ABI3BP: variants seen among roughly 807,000 people sequenced by gnomAD.
ABI3BP encodes ABI family member 3 binding protein, also known as target of Nesh-SH3.
Under a neutral mutation model 268.6 loss-of-function variants are expected in ABI3BP, and 216 were observed. The ratio of observed to expected loss-of-function variants is 0.80; its 90% CI spans 0.72 to 0.90. ABI3BP has a LOEUF of 0.90. Among genes scored for constraint, ABI3BP ranks in the 40% least tolerant of loss-of-function variants. The probability of loss-of-function intolerance (pLI) is 0.00; values close to 1 mark genes in which losing one functional copy is unlikely to be tolerated. For synonymous variants in ABI3BP, 730 were observed against 730.0 expected (o/e 1.00, Z 0.00); for missense variants, 2,090 against 2,182.4 (o/e 0.96, Z 0.84).
intron 1 of ABI3BP, among the ~76,000 whole-genome samples, chr3:100,991,946 A>G (rs771516753): frequency 6.6e-6 from 1 of 152,172 alleles, no homozygotes; most frequent in East Asian, 1.9e-4. Flanking sequence ...AGTCTTCTGT[A>G]GGTATTAAGA....
chr3:100,839,434 G>T, intron 24 of ABI3BP, 135 bp downstream of exon 24: 2 of 963,384 alleles, frequency 2.1e-6, no homozygotes, highest in Non-Finnish European at 3.2e-6. Flanking sequence ...TTCAGACCCA[G>T]ACAGGAAAGG....
chr3:100,849,253 G>A (rs1180497827), intron 17 of ABI3BP, among the ~76,000 whole-genome samples: 1 of 133,904 alleles, frequency 7.5e-6, no homozygotes, highest in African/African-American at 2.9e-5. Context: ...TGGAGACAGA[G>A]TCTCACTCTG....
At chr3:100,866,858 A>G (rs907448893) in intron 10 of ABI3BP, 21 bp downstream of exon 10, 5 of 1,608,276 alleles carry the variant, frequency 3.1e-6, no homozygotes, top group Admixed American at 1.7e-5. Flanking sequence ...CTCAAGGTCA[A>G]CAACATAGCG....
chr3:100,828,324 A>C (rs1015114756), intron 34 of ABI3BP, 69 bp downstream of exon 34: 4 of 1,389,138 alleles, frequency 2.9e-6, no homozygotes, highest in East Asian at 2.5e-5. Flanking sequence ...ATTGAATGGC[A>C]ATATACAGTG....
chr3:100,938,937 G>A lies in ABI3BP; in HGVS notation c.80-12456C>T, dbSNP rs563100732. Among the ~76,000 whole-genome samples, 3 of 152,224 alleles carry A rather than the reference G, an allele frequency of 2.0e-5. No homozygotes were observed. The South Asian group carries it at 6.2e-4, about 32-fold the overall frequency. On this transcript the variant is annotated intron_variant, in intron 1 of 67. Transcript: ENST00000471714. Reference sequence around the variant, plus strand: ...GTGGTGGACGTTGTTGGGGGGGCATGTGTGTGTGCATGCACATGTGCCTGT... The same window carrying A: ...GTGGTGGACGTTGTTGGGGGGGCATATGTGTGTGCATGCACATGTGCCTGT...
chr3:100,913,433 A>G (rs1050668444), intron 2 of ABI3BP, among the ~76,000 whole-genome samples: 15 of 152,208 alleles, frequency 9.9e-5, no homozygotes, highest in African/African-American at 3.1e-4. Context: ...GAAAGTCTGG[A>G]CCAACTCAAG....
Position 100,811,283 on chromosome 3 carries a change from C to G in ABI3BP, c.3494-6G>C, listed in dbSNP as rs757370475. On this transcript the variant is annotated splice_region_variant and splice_polypyrimidine_tract_variant and intron_variant, in intron 47 of 67. Coordinates refer to ENST00000471714, the MANE Select transcript of ABI3BP (RefSeq NM_001375547.2). ...ATATGTAATAGATTCCACAACTGTACCAAAACAAAGGAGAAAAATTTTAGA... is the reference window on the plus strand; with the variant it reads ...ATATGTAATAGATTCCACAACTGTAGCAAAACAAAGGAGAAAAATTTTAGA... 37 of 1,530,076 alleles carry G rather than the reference C, an allele frequency of 2.4e-5. No homozygotes were observed. Among genetic ancestry groups the G allele is most frequent in the Non-Finnish European group, 2.8e-5 (32 of 1,144,148 alleles). 94.8% of individuals were successfully genotyped at this position (1,530,076 alleles called of 1,614,324 possible).
Position 100,775,215 on chromosome 3 carries a change from T to C in ABI3BP, c.4454A>G (p.Glu1485Gly). The C allele has an allele frequency of 6.2e-7, 1 of 1,612,856 alleles. No homozygotes were observed. Among genetic ancestry groups the C allele is most frequent in the Non-Finnish European group, 8.5e-7 (1 of 1,179,452 alleles). Reference protein sequence around the residue: ...IKQPTVPASGEELENITDFSS... With the variant: ...IKQPTVPASGGELENITDFSS... ...CTGATGGCCATACGAACCCAGTTCT[T>C]CTCCAGAGGCAGGAACTGTTGGTTG... Residue 1485 changes from glutamate (E) to glycine (G), a missense_variant, in exon 60 of 68, where the codon GAA (glutamate) becomes GGA (glycine). Physicochemically the swap from Glu to Gly is moderately conservative, Grantham distance 98. Transcript: ENST00000471714.
chr3:100,876,271 G>A lies in ABI3BP; in HGVS notation c.745+241C>T, dbSNP rs74490706. On this transcript the variant is annotated intron_variant, in intron 7 of 67. Transcript: ENST00000471714. ...ACTTGTTTTAAAAAATTTAATACTTGTGATGGTTGCTTTGTCCTTAGTTGT... is the reference window on the plus strand; with the variant it reads ...ACTTGTTTTAAAAAATTTAATACTTATGATGGTTGCTTTGTCCTTAGTTGT... Among the ~76,000 whole-genome samples the A allele has an allele frequency of 8.8e-3, 1,333 of 152,242 alleles. 18 individuals are homozygous for A. The highest frequency in any genetic ancestry group is 0.03 in the African/African-American group (1,237 of 41,534).
intron 44 of ABI3BP, among the ~76,000 whole-genome samples, chr3:100,814,506 C>T (rs2097956282): frequency 6.6e-6 from 1 of 152,090 alleles, no homozygotes; most frequent in Non-Finnish European, 1.5e-5. Flanking sequence ...CATCAGCCCA[C>T]ATCGTTCCTT....
At chr3:100,771,840 T>G (rs1235181409) in intron 61 of ABI3BP, among the ~76,000 whole-genome samples, 1 of 152,046 alleles carries the variant, frequency 6.6e-6, no homozygotes. Flanking sequence ...AAAAAAATAT[T>G]TTAAGAAATA....
In ABI3BP at chr3:100,831,724, C is replaced by T. The variant is rs150218518; in HGVS notation, c.2401+540G>A. ...TCTGTTCCCTCATCCCTCTACTCATCCAGTTTCTATGCTGGTTTCTAATTA... is the reference window on the plus strand; with the variant it reads ...TCTGTTCCCTCATCCCTCTACTCATTCAGTTTCTATGCTGGTTTCTAATTA... On this transcript the variant is annotated intron_variant, in intron 31 of 67. Transcript: ENST00000471714. Among the ~76,000 whole-genome samples, 342 of 152,278 alleles carry T rather than the reference C, an allele frequency of 2.2e-3. 4 individuals are homozygous for T. Among genetic ancestry groups the T allele is most frequent in the African/African-American group, 7.7e-3 (319 of 41,572 alleles).
At chr3:100,851,286 G>A (rs78699432) in intron 15 of ABI3BP, among the ~76,000 whole-genome samples, 33,652 of 152,068 alleles carry the variant, frequency 0.22, 4,113 homozygotes, top group South Asian at 0.32. Flanking sequence ...CCAAAGATTA[G>A]ACCCAATTGA....
At chr3:100,854,869 T>C (rs149869475) in intron 14 of ABI3BP, among the ~76,000 whole-genome samples, 11 of 152,316 alleles carry the variant, frequency 7.2e-5, no homozygotes, top group African/African-American at 2.4e-4. Context: ...GAAAAAATAA[T>C]ATGAAATAAC....
Position 100,811,782 on chromosome 3 carries a change from A to T in ABI3BP, c.3439T>A (p.Tyr1147Asn). The T allele has an allele frequency of 1.3e-6, 2 of 1,535,484 alleles. No homozygotes were observed. Among genetic ancestry groups the T allele is most frequent in the South Asian group, 1.2e-5 (1 of 84,034 alleles). ...GGTGCTTTGGCAGTGGGATATACAT[A>T]GTCTGTTTTGGCTGGTGCTAGGGAA... ...KETIAPAKTDYVYPTAKAPLW... is the reference protein window; with the variant it reads ...KETIAPAKTDNVYPTAKAPLW... The change falls in exon 47 of 68, where the codon TAT becomes AAT. Residue 1147 changes from tyrosine (Y) to asparagine (N), a missense_variant. By Grantham distance (143) the Tyr-to-Asn change is moderately radical. Transcript: ENST00000471714.
intron 26 of ABI3BP, 83 bp downstream of exon 26, chr3:100,838,127 T>C: frequency 7.2e-7 from 1 of 1,379,882 alleles, no homozygotes; most frequent in Non-Finnish European, 9.9e-7. Flanking sequence ...CTATGATTTA[T>C]ATGATATGAC....
intron 63 of ABI3BP, among the ~76,000 whole-genome samples, chr3:100,763,073 A>G (rs536447160): frequency 5.3e-5 from 8 of 152,334 alleles, no homozygotes; most frequent in African/African-American, 1.7e-4. Flanking sequence ...GACACACTGA[A>G]TGACCTCAAA....
Position 100,825,812 on chromosome 3 carries a change from T to C in ABI3BP, c.2635A>G (p.Arg879Gly). ...PVTDLEPVTF[R>G]TEIPATTLAT... The stretch of plus-strand genomic sequence containing the variant: ...AAGGTTGTTGCAGGGATCTCAGTTC[T>C]AAAAGTAACAGGCTCGAGGTCTGTA... Residue 879 changes from arginine (R) to glycine (G), a missense_variant, in exon 35 of 68, where the codon AGA (arginine) becomes GGA (glycine). By Grantham distance (125) the Arg-to-Gly change is moderately radical (BLOSUM62 -2). Coordinates refer to ENST00000471714, the MANE Select transcript of ABI3BP (RefSeq NM_001375547.2). 2 of 1,535,746 alleles carry C rather than the reference T, an allele frequency of 1.3e-6. No individual in the cohort carries two copies. The highest frequency in any genetic ancestry group is 1.2e-5 in the South Asian group (1 of 84,056).
chr3:100,852,553 A>G (rs1314857151), intron 14 of ABI3BP, among the ~76,000 whole-genome samples: 2 of 152,182 alleles, frequency 1.3e-5, no homozygotes, highest in Non-Finnish European at 2.9e-5. Context: ...GGTTTATAGC[A>G]TGAACACATC....
Sources: allele counts gnomAD v4.1 joint callset (sites outside exome capture counted in the v4.1 genomes callset), GRCh38; gene constraint gnomAD v4.1.1; transcripts MANE v1.5; gene names NCBI Gene and HGNC (gene_info 2026-07-23, HGNC 2026-07-21).